Variants in CCSER1 observed in about 807,000 individuals in gnomAD.
CCSER1 encodes the protein serine-rich coiled-coil domain-containing protein 1.
In CCSER1, 41 loss-of-function variants were observed where a neutral mutation model predicts 82.0. That is an observed-to-expected ratio of 0.50 (90% CI 0.39 to 0.65). The LOEUF (loss-of-function observed/expected upper bound fraction) is 0.65, where lower values mean the gene tolerates loss of function less well. CCSER1 is among the 30% of genes least tolerant of loss of function. The pLI is 0.00. For missense variants in CCSER1, 1,119 were observed against 1,064.2 expected, an observed-to-expected ratio of 1.05 and a Z score of -0.72; for synonymous variants, 414 against 383.9, an observed-to-expected ratio of 1.08 and a Z score of -0.92.
At chr4:90,145,590 T>C (rs1351815642) in intron 1 of CCSER1, among the ~76,000 whole-genome samples, 1 of 152,170 alleles carries the variant, frequency 6.6e-6, no homozygotes, top group African/African-American at 2.4e-5. Context: ...TTATAGGAAC[T>C]GGCTATAGAT....
intron 5 of CCSER1, among the ~76,000 whole-genome samples, chr4:90,486,289 GT>G (rs1767045879): frequency 6.6e-6 from 1 of 152,016 alleles, no homozygotes. Flanking sequence ...AACCTCTTAT[GT>G]ATAGGTTCCA....
chr4:90,654,436 A>G (rs1729337392), intron 6 of CCSER1, among the ~76,000 whole-genome samples: 1 of 152,026 alleles, frequency 6.6e-6, no homozygotes, highest in African/African-American at 2.4e-5. Flanking sequence ...TCTAATTCTT[A>G]TAGTTTTAAT....
chr4:91,032,898 A>T (rs1315399784), intron 9 of CCSER1, among the ~76,000 whole-genome samples: 1 of 152,140 alleles, frequency 6.6e-6, no homozygotes, highest in Admixed American at 6.6e-5. Flanking sequence ...TTGGGACCAC[A>T]CTTGGTGAAC....
chr4:90,481,735 G>T (rs1366040161), intron 5 of CCSER1, among the ~76,000 whole-genome samples: 1 of 152,146 alleles, frequency 6.6e-6, no homozygotes, highest in South Asian at 2.1e-4. Context: ...TGATCATGGT[G>T]GATAAGCTTT....
At chr4:90,793,919 A>T (rs1755624322) in intron 7 of CCSER1, among the ~76,000 whole-genome samples, 1 of 152,112 alleles carries the variant, frequency 6.6e-6, no homozygotes, top group African/African-American at 2.4e-5. Flanking sequence ...ATGATCAGTG[A>T]TGTTGAGCTT....
At chr4:91,571,009 G>T (rs140923003) in intron 10 of CCSER1, among the ~76,000 whole-genome samples, 1 of 151,980 alleles carries the variant, frequency 6.6e-6, no homozygotes, top group Non-Finnish European at 1.5e-5. Context: ...AGATCTCTAG[G>T]GCAGGGGCAA....
At chr4:90,968,233 G>T (rs1265970735) in intron 9 of CCSER1, among the ~76,000 whole-genome samples, 1 of 151,498 alleles carries the variant, frequency 6.6e-6, no homozygotes, top group Non-Finnish European at 1.5e-5. Context: ...AATAATAAAA[G>T]AACCAAAATA....
intron 7 of CCSER1, among the ~76,000 whole-genome samples, chr4:90,731,168 T>C (rs532758384): frequency 6.6e-6 from 1 of 152,306 alleles, no homozygotes; most frequent in South Asian, 2.1e-4. Context: ...TTTGTTAATA[T>C]ATTGTATGTA....
chr4:91,426,899 T>C (rs1356732489), intron 10 of CCSER1, among the ~76,000 whole-genome samples: 1 of 152,164 alleles, frequency 6.6e-6, no homozygotes, highest in Non-Finnish European at 1.5e-5. Flanking sequence ...GACACTCATA[T>C]AAGTGATTCA....
intron 4 of CCSER1, among the ~76,000 whole-genome samples, chr4:90,438,774 T>A (rs943356572): frequency 1.3e-5 from 2 of 150,228 alleles, no homozygotes; most frequent in Non-Finnish European, 3.0e-5. Context: ...TTTTGATATC[T>A]TCTATCTATC....
chr4:91,538,789 T>C (rs939544840), intron 10 of CCSER1, among the ~76,000 whole-genome samples: 1 of 148,026 alleles, frequency 6.8e-6, no homozygotes, highest in Non-Finnish European at 1.5e-5. Context: ...ATTGAGAAGT[T>C]AGCAAGTGCA....
chr4:91,394,999 G>C (rs372713598), intron 10 of CCSER1, among the ~76,000 whole-genome samples: 1 of 152,074 alleles, frequency 6.6e-6, no homozygotes, highest in African/African-American at 2.4e-5. Context: ...TAGAATTAAT[G>C]CATGTAAAGT....
At position 90,968,829 on chromosome 4, in the gene CCSER1, G is replaced by GA. The variant is rs577955298; in HGVS notation, c.2172+45386dup. On this transcript the variant is annotated intron_variant, in intron 9 of 10. Coordinates refer to ENST00000509176, the MANE Select transcript of CCSER1 (RefSeq NM_001145065.2). Reference sequence around the variant, plus strand: ...ATAATAGTTTTCCACTAACCAACCTGAAAATATTAGAGATCTATGAAATAT... The same window carrying GA: ...ATAATAGTTTTCCACTAACCAACCTGAAAAATATTAGAGATCTATGAAATAT... 9.3e-5 allele frequency among the ~76,000 whole-genome samples: 14 copies of GA among 151,216 alleles called. No individual in the cohort carries two copies. In the East Asian group the frequency reaches 2.5e-3, roughly 27 times the overall value.
intron 8 of CCSER1, among the ~76,000 whole-genome samples, chr4:90,891,325 A>G (rs139701079): frequency 8.6e-5 from 13 of 151,790 alleles, no homozygotes; most frequent in Non-Finnish European, 1.6e-4. Context: ...TATAATGTCA[A>G]TGTCAAGTAA....
chr4:90,931,861 C>A (rs1729866962), intron 9 of CCSER1, among the ~76,000 whole-genome samples: 1 of 152,062 alleles, frequency 6.6e-6, no homozygotes, highest in South Asian at 2.1e-4. Flanking sequence ...TACCTTTTGC[C>A]AGTGAAATAA....
At chr4:90,954,754 C>T (rs900229152) in intron 9 of CCSER1, among the ~76,000 whole-genome samples, 3 of 151,290 alleles carry the variant, frequency 2.0e-5, no homozygotes. Flanking sequence ...CTTTGAAATT[C>T]GTTTTTATGT....
At chr4:91,003,256 G>A (rs1246921281) in intron 9 of CCSER1, among the ~76,000 whole-genome samples, 1 of 152,090 alleles carries the variant, frequency 6.6e-6, no homozygotes, top group African/African-American at 2.4e-5. Context: ...GTATGGGGAG[G>A]AAGAAGTGGT....
At chr4:91,422,953 A>G (rs1213252141) in intron 10 of CCSER1, among the ~76,000 whole-genome samples, 2 of 152,168 alleles carry the variant, frequency 1.3e-5, no homozygotes, top group African/African-American at 4.8e-5. Context: ...AAATTAATAA[A>G]TATAGCGTAT....
intron 4 of CCSER1, among the ~76,000 whole-genome samples, chr4:90,411,094 T>C (rs1754699880): frequency 6.6e-6 from 1 of 152,154 alleles, no homozygotes; most frequent in Non-Finnish European, 1.5e-5. Flanking sequence ...AATCACTGAA[T>C]AGACCAATAA....
Sources: gnomAD v4.1 joint callset for allele counts (sites outside exome capture counted in the v4.1 genomes callset) on GRCh38, gnomAD v4.1.1 for gene constraint, MANE v1.5 for transcripts, NCBI Gene and HGNC (gene_info 2026-07-23, HGNC 2026-07-21) for gene names.